Variants in ZNF609 observed in about 807,000 individuals in gnomAD.
ZNF609 encodes zinc finger protein 609.
ZNF609 carries 11 observed loss-of-function variants against 109.5 expected under a neutral mutation model. That is an observed-to-expected ratio of 0.10 (90% CI 0.06 to 0.17). The LOEUF (loss-of-function observed/expected upper bound fraction) is 0.17, where lower values mean the gene tolerates loss of function less well. Ranked by LOEUF, ZNF609 falls within the 10% of genes least tolerant of loss-of-function variation. The pLI is 1.00. For missense variants in ZNF609, 1,559 were observed against 1,772.4 expected, an observed-to-expected ratio of 0.88 and a Z score of 2.16; for synonymous variants, 646 against 662.0, an observed-to-expected ratio of 0.98 and a Z score of 0.37.
chr15:64,518,737 C>G (rs952725480), intron 2 of ZNF609, among the ~76,000 whole-genome samples: 7 of 152,068 alleles, frequency 4.6e-5, no homozygotes, highest in African/African-American at 1.7e-4. Context: ...TTGATAGCAT[C>G]TTGGTAATTG....
At chr15:64,477,348 G>A (rs942707920) in intron 1 of ZNF609, among the ~76,000 whole-genome samples, 1 of 151,716 alleles carries the variant, frequency 6.6e-6, no homozygotes, top group African/African-American at 2.4e-5. Flanking sequence ...CACCGTGTTA[G>A]CCAGGATGGT....
At chr15:64,529,628 C>T in intron 2 of ZNF609, 1 of 942,648 alleles carries the variant, frequency 1.1e-6, no homozygotes, top group Non-Finnish European at 1.7e-6. Context: ...CACCAGGCAC[C>T]CAGTACGACC....
intron 2 of ZNF609, among the ~76,000 whole-genome samples, chr15:64,539,432 C>A (rs1894211310): frequency 6.6e-6 from 1 of 151,932 alleles, no homozygotes; most frequent in Non-Finnish European, 1.5e-5. Flanking sequence ...TGGTCTCGAT[C>A]TCCTGACCGC....
chr15:64,657,884 C>T (rs1183938796), intron 3 of ZNF609, among the ~76,000 whole-genome samples: 5 of 151,684 alleles, frequency 3.3e-5, no homozygotes, highest in Admixed American at 3.3e-4. Flanking sequence ...TTTTTTTAGC[C>T]CTTGATCCCT....
At chr15:64,604,709 A>T (rs1264863009) in intron 2 of ZNF609, among the ~76,000 whole-genome samples, 1 of 152,184 alleles carries the variant, frequency 6.6e-6, no homozygotes, top group Non-Finnish European at 1.5e-5. Context: ...CCAGGAATGG[A>T]GTTTATTAGT....
chr15:64,539,166 A>C (rs371193785), intron 2 of ZNF609, among the ~76,000 whole-genome samples: 1 of 99,002 alleles, frequency 1.0e-5, no homozygotes, highest in African/African-American at 5.1e-5. Flanking sequence ...ACCATGCCTT[A>C]TTTATTTATT....
chr15:64,613,304 G>A (rs1004529157), intron 2 of ZNF609, among the ~76,000 whole-genome samples: 7 of 151,978 alleles, frequency 4.6e-5, no homozygotes, highest in Admixed American at 3.9e-4. Context: ...GTGAGACCCT[G>A]TCTCAGAAAA....
chr15:64,508,261 G>A (rs1893664932), intron 2 of ZNF609, among the ~76,000 whole-genome samples: 1 of 152,162 alleles, frequency 6.6e-6, no homozygotes, highest in South Asian at 2.1e-4. Context: ...TTTTCTTTTG[G>A]CATCTGTTGC....
intron 1 of ZNF609, chr15:64,471,442 C>T (rs1016582367): frequency 6.6e-6 from 1 of 151,952 alleles, no homozygotes. Context: ...ATTAAAAAGT[C>T]CTGAGAGTGC....
Position 64,675,488 on chromosome 15 carries a change from T to A in ZNF609, c.2634T>A (p.Thr878=), listed in dbSNP as rs147213688. The A allele has an allele frequency of 8.7e-6, 14 of 1,614,070 alleles. No homozygotes were observed. The highest frequency in any genetic ancestry group is 1.2e-5 in the Non-Finnish European group (14 of 1,180,012). The change falls in exon 5 of 10, where the codon ACT becomes ACA. Residue 878 remains threonine, a synonymous_variant. Coordinates refer to ENST00000326648, the MANE Select transcript of ZNF609 (RefSeq NM_015042.2). ...EQLVKEGAKK[T]LFPPQPQSKD... Reference sequence around the variant, plus strand: ...TGGTTAAAGAAGGGGCTAAGAAAACTCTTTTTCCCCCTCAGCCTCAGAGCA... The same window carrying A: ...TGGTTAAAGAAGGGGCTAAGAAAACACTTTTTCCCCCTCAGCCTCAGAGCA...
intron 3 of ZNF609, among the ~76,000 whole-genome samples, chr15:64,635,033 A>T (rs556930076): frequency 3.1e-4 from 47 of 152,258 alleles, no homozygotes; most frequent in African/African-American, 1.1e-3. Flanking sequence ...CTTGGGAAAA[A>T]TTTCAGTCAC....
chr15:64,504,825 T>C (rs768761224), intron 2 of ZNF609, among the ~76,000 whole-genome samples: 1 of 151,974 alleles, frequency 6.6e-6, no homozygotes, highest in Non-Finnish European at 1.5e-5. Context: ...TTGCCAATGC[T>C]GATCTTGAAC....
At chr15:64,479,708 C>T (rs1893224781) in intron 1 of ZNF609, among the ~76,000 whole-genome samples, 1 of 152,026 alleles carries the variant, frequency 6.6e-6, no homozygotes, top group Non-Finnish European at 1.5e-5. Flanking sequence ...CACTTGAGGT[C>T]AGGAGTTCGA....
intron 2 of ZNF609, among the ~76,000 whole-genome samples, chr15:64,585,095 C>T (rs930947125): frequency 2.0e-4 from 31 of 151,226 alleles, no homozygotes; most frequent in Non-Finnish European, 4.3e-4. Context: ...GAGGCCAAGG[C>T]GGGAGGATCA....
intron 1 of ZNF609, among the ~76,000 whole-genome samples, chr15:64,469,848 C>G (rs1566992001): frequency 6.6e-6 from 1 of 152,032 alleles, no homozygotes; most frequent in Non-Finnish European, 1.5e-5. Context: ...AGAAAAGGAA[C>G]CTTAGCTTGT....
chr15:64,464,679 G>A (rs988827770), intron 1 of ZNF609, among the ~76,000 whole-genome samples: 6 of 61,892 alleles, frequency 9.7e-5, no homozygotes, highest in African/African-American at 1.9e-4. Context: ...AAAGTTGTCT[G>A]TGACAGACAA....
At chr15:64,660,500 T>G (rs76064345) in intron 3 of ZNF609, among the ~76,000 whole-genome samples, 6,822 of 152,280 alleles carry the variant, frequency 0.045, 232 homozygotes, top group Non-Finnish European at 0.065. Flanking sequence ...GGGGCTCTTT[T>G]TCTACTATAA....
At chr15:64,498,603 G>A (rs150174707) in intron 1 of ZNF609, among the ~76,000 whole-genome samples, 52 of 152,276 alleles carry the variant, frequency 3.4e-4, no homozygotes, top group African/African-American at 1.3e-3. Context: ...CTGCTATTGA[G>A]ATAATAATTT....
Position 64,631,144 on chromosome 15 carries a change from GT to G in ZNF609, c.973+8094del, listed in dbSNP as rs1257840224. The G allele has an allele frequency of 5.1e-6, 3 of 589,756 alleles. No homozygotes were observed. In the African/African-American group the frequency reaches 5.5e-5, roughly 11 times the overall value. 36.5% of individuals were successfully genotyped at this position (589,756 alleles called of 1,614,324 possible). ...AATTTGTAGGGAAGAGGTTCCAGCAGTTCAGGCTCCTTCCCATTGGTTCTCA... is the reference window on the plus strand; with the variant it reads ...AATTTGTAGGGAAGAGGTTCCAGCAGTCAGGCTCCTTCCCATTGGTTCTCA... On this transcript the variant is annotated intron_variant, in intron 3 of 9. Coordinates refer to ENST00000326648, the MANE Select transcript of ZNF609 (RefSeq NM_015042.2).
Sources: gnomAD v4.1 joint callset for allele counts (sites outside exome capture counted in the v4.1 genomes callset) on GRCh38, gnomAD v4.1.1 for gene constraint, MANE v1.5 for transcripts, NCBI Gene and HGNC (gene_info 2026-07-23, HGNC 2026-07-21) for gene names.